CALN1: variants seen among roughly 807,000 people sequenced by gnomAD.
CALN1 encodes the protein calneuron 1.
In CALN1, 17 loss-of-function variants were observed where a neutral mutation model predicts 30.6. That is an observed-to-expected ratio of 0.56 (90% CI 0.38 to 0.83). CALN1 has a LOEUF of 0.83. CALN1 is among the 40% of genes least tolerant of loss of function. The pLI is 0.00. For synonymous variants in CALN1, 156 were observed against 131.4 expected, an observed-to-expected ratio of 1.19 and a Z score of -1.28; for missense variants, 291 against 354.9, an observed-to-expected ratio of 0.82 and a Z score of 1.45.
chr7:72,149,879 G>A (rs1476359536), intron 3 of CALN1, among the ~76,000 whole-genome samples: 4 of 151,868 alleles, frequency 2.6e-5, no homozygotes, highest in Non-Finnish European at 4.4e-5. Flanking sequence ...TTTGAGACAT[G>A]GAGGCGGGCA....
intron 5 of CALN1, among the ~76,000 whole-genome samples, chr7:71,849,141 G>A (rs1199761717): frequency 1.3e-5 from 2 of 152,244 alleles, no homozygotes; most frequent in East Asian, 1.9e-4. Flanking sequence ...GAATTCTTAT[G>A]TGTGTTTAAT....
rs1448829585 is a variant in CALN1, at chr7:71,783,818, C to G, written c.*3957G>C. On this transcript the variant is annotated 3_prime_UTR_variant, in exon 7 of 7. Transcript: ENST00000395275. ...TTGGGAGGGGCATTATTGTCAAAAG[C>G]AGCTGTCCATTTTTCATAGGCTCTT... 2 of 152,604 alleles carry G rather than the reference C, an allele frequency of 1.3e-5. No homozygotes were observed. Among genetic ancestry groups the G allele is most frequent in the African/African-American group, 4.8e-5 (2 of 41,450 alleles). The allele number at this position is 152,604 out of a possible 1,614,324, so 9.5% of individuals were successfully genotyped here.
intron 3 of CALN1, among the ~76,000 whole-genome samples, chr7:72,181,271 C>T (rs1789786598): frequency 6.7e-6 from 1 of 148,162 alleles, no homozygotes; most frequent in Non-Finnish European, 1.5e-5. Flanking sequence ...GTATATATTA[C>T]AAATATACAA....
chr7:72,399,250 C>A (rs1241805625), intron 2 of CALN1, among the ~76,000 whole-genome samples: 3 of 142,294 alleles, frequency 2.1e-5, no homozygotes, highest in Admixed American at 7.1e-5. Flanking sequence ...AGTCCCCAGC[C>A]GGTTTTGTCT....
At chr7:72,293,658 T>TA (rs1262869230) in intron 2 of CALN1, among the ~76,000 whole-genome samples, 1 of 152,086 alleles carries the variant, frequency 6.6e-6, no homozygotes, top group African/African-American at 2.4e-5. Context: ...ACGTTTGGTA[T>TA]TTTTTTTCTA....
intron 4 of CALN1, among the ~76,000 whole-genome samples, chr7:72,047,604 A>T (rs887402024): frequency 6.6e-6 from 1 of 152,196 alleles, no homozygotes; most frequent in Non-Finnish European, 1.5e-5. Flanking sequence ...GATAAAATAG[A>T]AAAGAAAATG....
At chr7:71,941,408 G>A (rs1031585103) in intron 5 of CALN1, among the ~76,000 whole-genome samples, 2 of 151,724 alleles carry the variant, frequency 1.3e-5, no homozygotes, top group Non-Finnish European at 2.9e-5. Context: ...GTTAACTGAC[G>A]GGGGGAAGAC....
intron 2 of CALN1, among the ~76,000 whole-genome samples, chr7:72,359,342 C>T (rs1803420847): frequency 6.6e-6 from 1 of 152,192 alleles, no homozygotes; most frequent in African/African-American, 2.4e-5. Flanking sequence ...CTCCCCGTTT[C>T]GTCTTCCAGA....
chr7:71,893,345 G>A (rs960315118), intron 5 of CALN1, among the ~76,000 whole-genome samples: 9 of 152,172 alleles, frequency 5.9e-5, no homozygotes, highest in Admixed American at 5.9e-4. Flanking sequence ...CAATGATGCT[G>A]AGGTGGAGAA....
intron 2 of CALN1, among the ~76,000 whole-genome samples, chr7:72,399,950 CCT>C (rs1330052740): frequency 1.3e-5 from 2 of 152,032 alleles, no homozygotes; most frequent in South Asian, 2.1e-4. Flanking sequence ...TCTCTTGTTC[CCT>C]CTCTCTCCAT....
chr7:72,215,954 T>C (rs1425659628), intron 3 of CALN1, among the ~76,000 whole-genome samples: 4 of 152,102 alleles, frequency 2.6e-5, no homozygotes, highest in African/African-American at 9.7e-5. Context: ...CAAGGCTTTG[T>C]CAGATCTGCA....
chr7:72,501,682 G>A, the CALN1 span, among the ~76,000 whole-genome samples: 1 of 150,784 alleles, frequency 6.6e-6, no homozygotes, highest in African/African-American at 2.4e-5. Context: ...AGGCTGAGGT[G>A]GGCGGATCAT....
chr7:72,109,396 G>C (rs1282175336), intron 3 of CALN1, among the ~76,000 whole-genome samples: 3 of 152,068 alleles, frequency 2.0e-5, no homozygotes, highest in African/African-American at 7.2e-5. Context: ...CTGTGCATCC[G>C]TGGACATCGT....
intron 2 of CALN1, among the ~76,000 whole-genome samples, chr7:72,331,744 T>G (rs1345319931): frequency 6.6e-6 from 1 of 152,200 alleles, no homozygotes; most frequent in Non-Finnish European, 1.5e-5. Context: ...ATGTGCAGGT[T>G]TGTTACACAG....
intron 5 of CALN1, among the ~76,000 whole-genome samples, chr7:71,841,142 A>T (rs1360762075): frequency 6.6e-6 from 1 of 152,150 alleles, no homozygotes; most frequent in Non-Finnish European, 1.5e-5. Flanking sequence ...GAATCCTAGG[A>T]GAGGAGATGA....
intron 3 of CALN1, among the ~76,000 whole-genome samples, chr7:72,251,847 G>A (rs1795585214): frequency 6.6e-6 from 1 of 152,020 alleles, no homozygotes; most frequent in Admixed American, 6.6e-5. Context: ...TTACCACTGG[G>A]GGACACTGGA....
intron 5 of CALN1, among the ~76,000 whole-genome samples, chr7:71,825,569 T>C (rs1788860528): frequency 6.6e-6 from 1 of 152,098 alleles, no homozygotes; most frequent in African/African-American, 2.4e-5. Context: ...GATTTTTCCC[T>C]ATATGAGGAA....
chr7:72,099,406 C>G (rs1188892690), intron 4 of CALN1, among the ~76,000 whole-genome samples: 2 of 151,356 alleles, frequency 1.3e-5, no homozygotes, highest in African/African-American at 4.9e-5. Flanking sequence ...AGGCTCGAAT[C>G]TCTGGAGGAT....
At chr7:71,821,980 G>A (rs1412108711) in intron 5 of CALN1, among the ~76,000 whole-genome samples, 1 of 151,694 alleles carries the variant, frequency 6.6e-6, no homozygotes, top group Admixed American at 6.6e-5. Context: ...GTTGGCCCAG[G>A]CTGGTCTTGA....
Sources: allele counts gnomAD v4.1 joint callset (sites outside exome capture counted in the v4.1 genomes callset), GRCh38; gene constraint gnomAD v4.1.1; transcripts MANE v1.5; gene names NCBI Gene and HGNC (gene_info 2026-07-23, HGNC 2026-07-21).